The following CCDC175 variants were observed in gnomAD, a reference collection of about 807,000 sequenced individuals.
CCDC175 encodes the protein coiled-coil domain-containing protein 175.
A neutral mutation model predicts 114.6 loss-of-function variants in CCDC175; 100 were observed. The observed-to-expected ratio is 0.87, with a 90% CI of 0.74 to 1.03. The LOEUF is 1.03. CCDC175 is among the 50% of genes least tolerant of loss of function. CCDC175 has a pLI of 0.00. For missense variants in CCDC175, 880 were observed against 917.8 expected, an observed-to-expected ratio of 0.96 and a Z score of 0.53; for synonymous variants, 306 against 308.7, an observed-to-expected ratio of 0.99 and a Z score of 0.09.
At chr14:59,573,366 A>G (rs1453207335) in intron 2 of CCDC175, among the ~76,000 whole-genome samples, 1 of 152,160 alleles carries the variant, frequency 6.6e-6, no homozygotes, top group Non-Finnish European at 1.5e-5. Flanking sequence ...ATGACCTGAG[A>G]AACTGCCATT....
chr14:59,558,446 G>T (rs930358605), intron 7 of CCDC175, among the ~76,000 whole-genome samples: 1 of 152,144 alleles, frequency 6.6e-6, no homozygotes, highest in Admixed American at 6.5e-5. Context: ...GGTGGCAGTG[G>T]TAAGAAATAG....
chr14:59,545,447 G>A (rs901350851), intron 8 of CCDC175, 148 bp from the exon 9 acceptor site: 8 of 630,836 alleles, frequency 1.3e-5, no homozygotes, highest in Non-Finnish European at 2.1e-5. Flanking sequence ...TAATTCTATA[G>A]CAAACATACA....
chr14:59,559,890 A>G (rs923964588), intron 7 of CCDC175, among the ~76,000 whole-genome samples: 2 of 152,176 alleles, frequency 1.3e-5, no homozygotes, highest in African/African-American at 4.8e-5. Flanking sequence ...TGGAAGATCA[A>G]TGAATCCTCA....
chr14:59,548,860 T>G (rs1194688108), intron 8 of CCDC175, among the ~76,000 whole-genome samples: 1 of 152,142 alleles, frequency 6.6e-6, no homozygotes, highest in Non-Finnish European at 1.5e-5. Context: ...GGGAGGGAGC[T>G]GCCTTTGATA....
At chr14:59,505,863 ATC>A (rs1892339410) in intron 19 of CCDC175, among the ~76,000 whole-genome samples, 1 of 152,210 alleles carries the variant, frequency 6.6e-6, no homozygotes, top group South Asian at 2.1e-4. Context: ...CAGGTTGAAT[ATC>A]TCATATTCAA....
chr14:59,538,582 C>T, intron 12 of CCDC175, 123 bp downstream of exon 12: 1 of 845,328 alleles, frequency 1.2e-6, no homozygotes, highest in Non-Finnish European at 1.7e-6. Flanking sequence ...ATAACTCACT[C>T]TAAACATGAA....
Position 59,535,625 on chromosome 14 carries a change from C to A in CCDC175, c.1623+2398G>T, listed in dbSNP as rs534922228. Among the ~76,000 whole-genome samples the A allele has an allele frequency of 2.6e-5, 4 of 152,326 alleles. No homozygotes were observed. The South Asian group carries it at 8.3e-4, about 32-fold the overall frequency. Reference sequence around the variant, plus strand: ...TTGTTCTTCCTATGTCCACCCTTTTCTTTCCTAAATTCCACTCAACATAGA... The same window carrying A: ...TTGTTCTTCCTATGTCCACCCTTTTATTTCCTAAATTCCACTCAACATAGA... On this transcript the variant is annotated intron_variant, in intron 13 of 19. Coordinates refer to ENST00000537690, the MANE Select transcript of CCDC175 (RefSeq NM_001164399.2).
chr14:59,549,380 T>G (rs61985523), intron 8 of CCDC175, among the ~76,000 whole-genome samples: 79,973 of 151,846 alleles, frequency 0.53, 22,066 homozygotes, highest in East Asian at 0.82. Flanking sequence ...GGGCATGGTG[T>G]TGAGTGCCTG....
At chr14:59,511,548 T>TAAAAAAAA (rs34490884) in intron 18 of CCDC175, among the ~76,000 whole-genome samples, 5,515 of 94,472 alleles carry the variant, frequency 0.058, 378 homozygotes, top group African/African-American at 0.11. Context: ...TGATATTTGG[T>TAAAAAAAA]AAAAAAAAAA....
rs938324928 is a variant in CCDC175, at chr14:59,521,583, C to G, written c.2089G>C (p.Ala697Pro). 2.6e-6 allele frequency: 4 copies of G among 1,526,326 alleles called. No individual in the cohort carries two copies. Among genetic ancestry groups the G allele is most frequent in the Non-Finnish European group, 3.5e-6 (4 of 1,136,940 alleles). The allele number at this position is 1,526,326 out of a possible 1,614,324, so 94.5% of individuals were successfully genotyped here. ...CCCACACATTACTTACCCTCCTGAG[C>G]TATTAGTTGCCGAGACAAGTCGCTT... ...TSSDLSRQLI[A>P]QEAQYKDLWA... The change falls in exon 17 of 20, where the codon GCT (alanine) becomes CCT (proline). Residue 697 changes from alanine (A) to proline (P), a missense_variant. Ala to Pro is a conservative substitution (Grantham distance 27). Coordinates refer to ENST00000537690, the MANE Select transcript of CCDC175 (RefSeq NM_001164399.2).
At chr14:59,554,391 G>A (rs1370276936) in intron 7 of CCDC175, among the ~76,000 whole-genome samples, 2 of 152,186 alleles carry the variant, frequency 1.3e-5, no homozygotes, top group South Asian at 2.1e-4. Context: ...AATGAAGGCA[G>A]AAATAAAGAT....
intron 1 of CCDC175, among the ~76,000 whole-genome samples, chr14:59,576,048 A>G (rs770615989): frequency 1.3e-5 from 2 of 152,172 alleles, no homozygotes; most frequent in Non-Finnish European, 2.9e-5. Flanking sequence ...GTCTTACCTT[A>G]AGCTTAAGTG....
At chr14:59,513,053 G>A (rs1892842890) in intron 17 of CCDC175, among the ~76,000 whole-genome samples, 2 of 152,278 alleles carry the variant, frequency 1.3e-5, no homozygotes, top group South Asian at 4.1e-4. Context: ...TTTTTGAAAA[G>A]TTGCTAGGGT....
At chr14:59,545,602 C>T (rs927674665) in intron 8 of CCDC175, among the ~76,000 whole-genome samples, 1 of 152,070 alleles carries the variant, frequency 6.6e-6, no homozygotes, top group African/African-American at 2.4e-5. Context: ...TTAGTATGTC[C>T]TTTTCCAGAA....
chr14:59,521,643 A>G lies in CCDC175; in HGVS notation c.2029T>C (p.Tyr677His). 2.6e-6 allele frequency: 4 copies of G among 1,533,352 alleles called. No individual in the cohort carries two copies. Among genetic ancestry groups the G allele is most frequent in the Non-Finnish European group, 3.5e-6 (4 of 1,143,374 alleles). 95.0% of individuals were successfully genotyped at this position (1,533,352 alleles called of 1,614,324 possible). A position where few individuals can be genotyped will look rare whatever the true frequency, so the allele number is the denominator to read the frequency against. The change falls in exon 17 of 20, where the codon TAC becomes CAC. Residue 677 changes from tyrosine (Y) to histidine (H), a missense_variant. Tyr to His is a moderately conservative substitution (Grantham distance 83). Transcript: ENST00000537690. The part of the protein sequence containing the change: ...ILYLKNNIEK[Y>H]REGQEALMHT... ...ATGAGGGCTTCTTGTCCTTCTCTGT[A>G]TTTCTCTATGTTATTCTTCAAGTAT...
intron 7 of CCDC175, among the ~76,000 whole-genome samples, chr14:59,552,178 G>T (rs1338809484): frequency 6.6e-6 from 1 of 152,228 alleles, no homozygotes; most frequent in South Asian, 2.1e-4. Context: ...TCCTCAAGTG[G>T]GTCCCTGACC....
chr14:59,558,529 G>A (rs1356987476), intron 7 of CCDC175, among the ~76,000 whole-genome samples: 2 of 152,180 alleles, frequency 1.3e-5, no homozygotes, highest in African/African-American at 4.8e-5. Flanking sequence ...TAAGAGTTGA[G>A]TCAGGGTTGG....
At chr14:59,540,830 C>T (rs1894741516) in intron 10 of CCDC175, 84 bp from the exon 11 acceptor site, 3 of 1,143,924 alleles carry the variant, frequency 2.6e-6, no homozygotes, top group African/African-American at 3.2e-5. Flanking sequence ...TTTGTATGCT[C>T]AGTAAGGCTA....
At position 59,538,754 on chromosome 14, in the gene CCDC175, G is replaced by C; in HGVS notation, c.1442C>G (p.Thr481Arg). ...AKIKAEIQAI[T>R]EKIQNAEVRR... The stretch of plus-strand genomic sequence containing the variant: ...AACTTCTGCATTCTGAATTTTTTCT[G>C]TAATAGCTTGTATTTCAGCTTTTAT... The change falls in exon 12 of 20, where the codon ACA (threonine) becomes AGA (arginine). Residue 481 changes from threonine to arginine, a missense_variant. Physicochemically the swap from Thr to Arg is moderately conservative, Grantham distance 71 (BLOSUM62 -1). Transcript: ENST00000537690. The C allele has an allele frequency of 1.3e-6, 2 of 1,536,044 alleles. No homozygotes were observed. Among genetic ancestry groups the C allele is most frequent in the African/African-American group, 1.4e-5 (1 of 73,078 alleles).
Sources: gnomAD v4.1 joint callset for allele counts (sites outside exome capture counted in the v4.1 genomes callset) on GRCh38, gnomAD v4.1.1 for gene constraint, MANE v1.5 for transcripts, NCBI Gene and HGNC (gene_info 2026-07-23, HGNC 2026-07-21) for gene names.